Variants in OPRL1 observed in about 807,000 individuals in gnomAD.
OPRL1 encodes the protein nociceptin receptor.
Under a neutral mutation model 15.5 loss-of-function variants are expected in OPRL1, and 5 were observed. The ratio of observed to expected loss-of-function variants is 0.32; its 90% CI spans 0.17 to 0.68. The LOEUF is 0.68. OPRL1 is among the 30% of genes least tolerant of loss of function. The probability of loss-of-function intolerance (pLI) is 0.72; values close to 1 mark genes in which losing one functional copy is unlikely to be tolerated. For missense variants in OPRL1, 406 were observed against 515.3 expected (o/e 0.79, Z 2.05); for synonymous variants, 223 against 230.2 (o/e 0.97, Z 0.28).
chr20:64,087,057 A>C (rs1440440832), intron 1 of OPRL1, among the ~76,000 whole-genome samples: 2 of 152,236 alleles, frequency 1.3e-5, no homozygotes, highest in African/African-American at 2.4e-5. Context: ...CCAAATACCC[A>C]GGAGCTCCAA....
At position 64,098,562 on chromosome 20, in the gene OPRL1, G is replaced by A. The variant is rs141090449; in HGVS notation, c.876G>A (p.Pro292=). The A allele has an allele frequency of 2.4e-5, 39 of 1,612,628 alleles. No homozygotes were observed. Among genetic ancestry groups the A allele is most frequent in the Non-Finnish European group, 3.1e-5 (36 of 1,179,968 alleles). Residue 292 remains proline, a synonymous_variant, in exon 5 of 5, where the codon CCG becomes CCA. Transcript: ENST00000336866. ...FVLAQGLGVQ[P]SSETAVAILR... is the part of the protein sequence containing the mutation. ...TGGCCCAAGGGCTGGGGGTTCAGCCGAGCAGCGAGACTGCCGTGGCCATTC... is the reference window on the plus strand; with the variant it reads ...TGGCCCAAGGGCTGGGGGTTCAGCCAAGCAGCGAGACTGCCGTGGCCATTC...
chr20:64,087,677 C>T (rs1293062483), intron 1 of OPRL1, among the ~76,000 whole-genome samples: 1 of 152,234 alleles, frequency 6.6e-6, no homozygotes, highest in Non-Finnish European at 1.5e-5. Context: ...CTTGGGCTAT[C>T]CCTAGTATCC....
chr20:64,093,500 G>GT (rs1370075584), intron 3 of OPRL1, among the ~76,000 whole-genome samples: 6 of 17,554 alleles, frequency 3.4e-4, no homozygotes, highest in South Asian at 1.3e-3. Context: ...CAGTGTGGGG[G>GT]CAGTGTGTGG....
chr20:64,083,835 G>T lies in OPRL1; in HGVS notation c.-185+3483G>T. ...CGCCTCACCCGCATGCGGGTGTAGC[G>T]CAGCCGCAGGGCGCGGACTCGCCCG... On this transcript the variant is annotated intron_variant, in intron 1 of 4. Coordinates refer to ENST00000336866, the MANE Select transcript of OPRL1 (RefSeq NM_182647.4). This position sits in a 1 kb window ranked among gnomAD's most constrained non-coding sequence, Gnocchi z 4.9. The T allele has an allele frequency of 7.2e-7, 1 of 1,389,650 alleles. No individual in the cohort carries two copies. The highest frequency in any genetic ancestry group is 9.3e-7 in the Non-Finnish European group (1 of 1,078,614). 86.1% of individuals were successfully genotyped at this position (1,389,650 alleles called of 1,614,324 possible).
Position 64,083,137 on chromosome 20 carries a change from TG to T in OPRL1, c.-185+2790del, listed in dbSNP as rs2059986981. 6.6e-6 allele frequency among the ~76,000 whole-genome samples: 1 copy of T among 152,138 alleles called. No individual in the cohort carries two copies. Among genetic ancestry groups the T allele is most frequent in the African/African-American group, 2.4e-5 (1 of 41,422 alleles). On this transcript the variant is annotated intron_variant, in intron 1 of 4. Transcript: ENST00000336866. The surrounding 1 kb of genome is among the most constrained non-coding windows in gnomAD (Gnocchi z 4.9). ...GCTCTTTCTCCGTCCTCCCCAAGAC[TG>T]GGGGCCTCCCATAGACCCACAGAAC...
At position 64,083,825 on chromosome 20, in the gene OPRL1, C is replaced by A; in HGVS notation, c.-185+3473C>A. 1.5e-6 allele frequency: 2 copies of A among 1,366,604 alleles called. No individual in the cohort carries two copies. Among genetic ancestry groups the A allele is most frequent in the Non-Finnish European group, 1.9e-6 (2 of 1,066,308 alleles). 84.7% of individuals were successfully genotyped at this position (1,366,604 alleles called of 1,614,324 possible). A position where few individuals can be genotyped will look rare whatever the true frequency, so the allele number is the denominator to read the frequency against. ...CCGACCCCCTCGCCTCACCCGCATGCGGGTGTAGCGCAGCCGCAGGGCGCG... is the reference window on the plus strand; with the variant it reads ...CCGACCCCCTCGCCTCACCCGCATGAGGGTGTAGCGCAGCCGCAGGGCGCG... On this transcript the variant is annotated intron_variant, in intron 1 of 4. Coordinates refer to ENST00000336866, the MANE Select transcript of OPRL1 (RefSeq NM_182647.4). The surrounding 1 kb of genome is among the most constrained non-coding windows in gnomAD (Gnocchi z 4.9).
chr20:64,095,683 C>G (rs1462376458), intron 3 of OPRL1, among the ~76,000 whole-genome samples: 1 of 151,740 alleles, frequency 6.6e-6, no homozygotes, highest in African/African-American at 2.4e-5. Context: ...GGATGTTTGC[C>G]TGGACCCGGA....
chr20:64,096,096 G>A (rs1040948176), intron 3 of OPRL1, among the ~76,000 whole-genome samples: 1 of 152,170 alleles, frequency 6.6e-6, no homozygotes, highest in Non-Finnish European at 1.5e-5. Context: ...CGGCTGAGGA[G>A]TGCGGCAGCC....
chr20:64,080,652 C>T (rs1004152776), intron 1 of OPRL1, among the ~76,000 whole-genome samples: 1 of 152,172 alleles, frequency 6.6e-6, no homozygotes, highest in African/African-American at 2.4e-5. Flanking sequence ...CTTTATGACT[C>T]GGTACAGACG....
At chr20:64,088,116 A>G (rs960850616) in intron 1 of OPRL1, among the ~76,000 whole-genome samples, 1 of 152,222 alleles carries the variant, frequency 6.6e-6, no homozygotes, top group Non-Finnish European at 1.5e-5. Flanking sequence ...CTGAGACCAG[A>G]GCTCACAGGC....
chr20:64,098,547 G>C lies in OPRL1; in HGVS notation c.861G>C (p.Gly287=). The change falls in exon 5 of 5, where the codon GGG becomes GGC. Residue 287 remains glycine, a synonymous_variant. Transcript: ENST00000336866. ...TPVQVFVLAQ[G]LGVQPSSETA... The stretch of plus-strand genomic sequence containing the variant: ...TCCAGGTCTTCGTGCTGGCCCAAGG[G>C]CTGGGGGTTCAGCCGAGCAGCGAGA... 6.2e-7 allele frequency: 1 copy of C among 1,612,818 alleles called. No homozygotes were observed. The highest frequency in any genetic ancestry group is 8.5e-7 in the Non-Finnish European group (1 of 1,180,002).
chr20:64,083,973 A>G lies in OPRL1; in HGVS notation c.-185+3621A>G. On this transcript the variant is annotated intron_variant, in intron 1 of 4. Coordinates refer to ENST00000336866, the MANE Select transcript of OPRL1 (RefSeq NM_182647.4). The surrounding 1 kb of genome is among the most constrained non-coding windows in gnomAD (Gnocchi z 4.9). ...GGCATGCGGTACCCCGGTTCCACCG[A>G]CCCGCACGGGAAGGTGGAGGCCGCC... 1 of 1,468,990 alleles carries G rather than the reference A, an allele frequency of 6.8e-7. No homozygotes were observed. The highest frequency in any genetic ancestry group is 8.9e-7 in the Non-Finnish European group (1 of 1,117,904). 91.0% of individuals were successfully genotyped at this position (1,468,990 alleles called of 1,614,324 possible).
At chr20:64,084,106 C>T (rs2060011329) in intron 1 of OPRL1, 1 of 1,474,990 alleles carries the variant, frequency 6.8e-7, no homozygotes, top group Non-Finnish European at 8.9e-7. Flanking sequence ...GCTTGGGGGG[C>T]TCTGTCGCGG....
intron 3 of OPRL1, among the ~76,000 whole-genome samples, chr20:64,095,463 G>A (rs1273484586): frequency 6.6e-6 from 1 of 151,388 alleles, no homozygotes; most frequent in Non-Finnish European, 1.5e-5. Context: ...AGATGGAGAT[G>A]ACTTAAGCAG....
In OPRL1 at chr20:64,098,590, C is replaced by T. The variant is rs111890603; in HGVS notation, c.904C>T (p.Arg302Cys). The T allele has an allele frequency of 2.5e-4, 408 of 1,612,864 alleles. 4 individuals are homozygous for T. In the Admixed American group the frequency reaches 6.2e-3, roughly 25 times the overall value. ...CAGCGAGACTGCCGTGGCCATTCTG[C>T]GCTTCTGCACGGCCCTGGGCTACGT... ...PSSETAVAIL[R>C]FCTALGYVNS... The change falls in exon 5 of 5, where the codon CGC becomes TGC. Residue 302 changes from arginine to cysteine, a missense_variant. By Grantham distance (180) the Arg-to-Cys change is radical. Transcript: ENST00000336866.
At position 64,098,435 on chromosome 20, in the gene OPRL1, G is replaced by A. The variant is rs778094247; in HGVS notation, c.749G>A (p.Gly250Asp). ...CTCCGTGGAGTCCGCCTGCTCTCGG[G>A]CTCCCGAGAGAAGGACCGGAACCTG... The part of the protein sequence containing the change: ...RRLRGVRLLS[G>D]SREKDRNLRR... The change falls in exon 5 of 5, where the codon GGC becomes GAC. Residue 250 changes from glycine (G) to aspartate (D), a missense_variant. Transcript: ENST00000336866. The A allele has an allele frequency of 1.2e-6, 2 of 1,613,526 alleles. No individual in the cohort carries two copies. The highest frequency in any genetic ancestry group is 1.7e-5 in the Admixed American group (1 of 60,028).
chr20:64,083,894 C>T lies in OPRL1; in HGVS notation c.-185+3542C>T, dbSNP rs958103831. 2.1e-6 allele frequency: 3 copies of T among 1,442,044 alleles called. No individual in the cohort carries two copies. The highest frequency in any genetic ancestry group is 3.0e-5 in the East Asian group (1 of 32,804). The allele number at this position is 1,442,044 out of a possible 1,614,324, so 89.3% of individuals were successfully genotyped here. On this transcript the variant is annotated intron_variant, in intron 1 of 4. Transcript: ENST00000336866. The surrounding 1 kb of genome is among the most constrained non-coding windows in gnomAD (Gnocchi z 4.9). ...CGCTGCCTTGAGGACGCCGAGGAGC[C>T]GGTTCTGGCGCTCGGCGGGCAGCTC...
Position 64,098,366 on chromosome 20 carries a change from C to T in OPRL1, c.680C>T (p.Pro227Leu). 1 of 1,613,900 alleles carries T rather than the reference C, an allele frequency of 6.2e-7. No homozygotes were observed. Among genetic ancestry groups the T allele is most frequent in the Non-Finnish European group, 8.5e-7 (1 of 1,180,020 alleles). The change falls in exon 5 of 5, where the codon CCC becomes CTC. Residue 227 changes from proline (P) to leucine (L), a missense_variant. Transcript: ENST00000336866. ...ICIFLFSFIV[P>L]VLVISVCYSL... ...ATCTTCCTCTTCTCCTTCATCGTCC[C>T]CGTGCTCGTCATCTCTGTCTGCTAC...
Position 64,083,680 on chromosome 20 carries a change from T to A in OPRL1, c.-185+3328T>A. On this transcript the variant is annotated intron_variant, in intron 1 of 4. Coordinates refer to ENST00000336866, the MANE Select transcript of OPRL1 (RefSeq NM_182647.4). The surrounding 1 kb of genome is among the most constrained non-coding windows in gnomAD (Gnocchi z 4.9). ...GGCGGCGCGCGCGGACTTCTGCCGC[T>A]GGATGAGCAGCGCGATCTCCTCGGC... is the stretch of plus-strand genomic sequence containing the variant. The A allele has an allele frequency of 7.0e-7, 1 of 1,424,732 alleles. No homozygotes were observed. Among genetic ancestry groups the A allele is most frequent in the Non-Finnish European group, 9.1e-7 (1 of 1,096,802 alleles). The allele number at this position is 1,424,732 out of a possible 1,614,324, so 88.3% of individuals were successfully genotyped here.
Sources: allele counts gnomAD v4.1 joint callset (sites outside exome capture counted in the v4.1 genomes callset), GRCh38; gene constraint gnomAD v4.1.1; non-coding constraint Gnocchi (gnomAD v3.1); transcripts MANE v1.5; gene names NCBI Gene and HGNC (gene_info 2026-07-23, HGNC 2026-07-21).